Variants in THSD7B observed in about 807,000 individuals in gnomAD.
The protein encoded by THSD7B is thrombospondin type 1 domain containing 7B, also known as thrombospondin type-1 domain-containing protein 7B.
In THSD7B, 138 loss-of-function variants were observed where a neutral mutation model predicts 213.6. The observed-to-expected ratio is 0.65, with a 90% confidence interval of 0.56 to 0.74. THSD7B has a LOEUF of 0.74. THSD7B is among the 30% of genes least tolerant of loss of function. The probability of loss-of-function intolerance (pLI) is 0.00; values close to 1 mark genes in which losing one functional copy is unlikely to be tolerated. For synonymous variants in THSD7B, 742 were observed against 687.0 expected (o/e 1.08, Z -1.25); for missense variants, 1,931 against 1,991.5 (o/e 0.97, Z 0.58).
chr2:137,272,226 G>T (rs1682760835), intron 10 of THSD7B, among the ~76,000 whole-genome samples: 1 of 152,032 alleles, frequency 6.6e-6, no homozygotes, highest in Admixed American at 6.6e-5. Context: ...ATCAAAGAAG[G>T]TTTCTGGGGC....
At chr2:137,133,882 A>G (rs570247254) in intron 5 of THSD7B, among the ~76,000 whole-genome samples, 3 of 152,170 alleles carry the variant, frequency 2.0e-5, no homozygotes, top group Admixed American at 2.0e-4. Flanking sequence ...AGTGCATCTC[A>G]TATTGGATCA....
intron 7 of THSD7B, among the ~76,000 whole-genome samples, chr2:137,230,678 G>A (rs1221910408): frequency 6.6e-6 from 1 of 152,134 alleles, no homozygotes; most frequent in Non-Finnish European, 1.5e-5. Context: ...GATTAGAAGG[G>A]TCAACATAAA....
intron 2 of THSD7B, among the ~76,000 whole-genome samples, chr2:136,934,236 T>C (rs921466577): frequency 6.6e-6 from 1 of 152,216 alleles, no homozygotes; most frequent in Non-Finnish European, 1.5e-5. Context: ...TAATCAATAA[T>C]TGTTTTCTAG....
intron 21 of THSD7B, among the ~76,000 whole-genome samples, chr2:137,652,809 A>G (rs144007797): frequency 0.026 from 3,972 of 152,262 alleles, 84 homozygotes; most frequent in Non-Finnish European, 0.036. Flanking sequence ...TAGATTGCAA[A>G]GAAAATAATA....
rs576295675 is a variant in THSD7B at position 136,826,788 on chromosome 2, C to G, written c.-35-55356C>G. On this transcript the variant is annotated intron_variant, in intron 1 of 27. Transcript: ENST00000409968. ...TTCCTTGTCGTCCCCAAATCACACT[C>G]TGCTACTCTTCCCAACACTAGAAGA... Among the ~76,000 whole-genome samples, 5 of 152,330 alleles carry G rather than the reference C, an allele frequency of 3.3e-5. No individual in the cohort carries two copies. In the South Asian group the frequency reaches 1.0e-3, roughly 32 times the overall value.
At chr2:137,572,319 G>C (rs142791055) in intron 16 of THSD7B, 87 bp from the exon 17 acceptor site, 1 of 1,445,720 alleles carries the variant, frequency 6.9e-7, no homozygotes, top group African/African-American at 1.4e-5. Flanking sequence ...TTTAACTATC[G>C]TCAGTTACTA....
intron 3 of THSD7B, among the ~76,000 whole-genome samples, chr2:137,089,149 A>G (rs1419671079): frequency 2.2e-4 from 34 of 151,958 alleles, no homozygotes; most frequent in Admixed American, 2.2e-3. Context: ...TACGAAAAAT[A>G]TAGTTGCACA....
Position 137,160,387 on chromosome 2 carries a change from T to C in THSD7B, c.1525+19T>C, listed in dbSNP as rs1247166455. ...AAAAAAGGTGAGTGCCTTGTTTGCA[T>C]GCGCTTCATTTGCTGTCAGCGTACA... On this transcript the variant is annotated intron_variant, in intron 6 of 27. Transcript: ENST00000409968. 3 of 1,610,014 alleles carry C rather than the reference T, an allele frequency of 1.9e-6. No homozygotes were observed. Among genetic ancestry groups the C allele is most frequent in the South Asian group, 2.2e-5 (2 of 90,228 alleles).
At chr2:137,127,847 G>T (rs1418555767) in intron 5 of THSD7B, among the ~76,000 whole-genome samples, 1 of 152,082 alleles carries the variant, frequency 6.6e-6, no homozygotes, top group Non-Finnish European at 1.5e-5. Flanking sequence ...GAACCCGGGA[G>T]GCGGAGGTTG....
At chr2:137,397,482 G>A (rs1325061777) in intron 12 of THSD7B, among the ~76,000 whole-genome samples, 2 of 151,932 alleles carry the variant, frequency 1.3e-5, no homozygotes, top group East Asian at 2.0e-4. Context: ...TAAGAATGTT[G>A]AATATTGGCC....
rs1194344824 is a variant in THSD7B, at chr2:137,656,782, G to A, written c.4106-14G>A. Reference sequence around the variant, plus strand: ...CATGCTGTTTTCTCCACCCTGTACTGCATGACTGTCCAGGAGACTGCCATT... The same window carrying A: ...CATGCTGTTTTCTCCACCCTGTACTACATGACTGTCCAGGAGACTGCCATT... On this transcript the variant is annotated splice_polypyrimidine_tract_variant and intron_variant, in intron 22 of 27. Coordinates refer to ENST00000409968, the MANE Select transcript of THSD7B (RefSeq NM_001316349.2). The A allele has an allele frequency of 1.2e-6, 2 of 1,611,870 alleles. No homozygotes were observed. The highest frequency in any genetic ancestry group is 1.1e-5 in the South Asian group (1 of 90,874).
chr2:137,077,799 T>G (rs554640105), intron 3 of THSD7B, among the ~76,000 whole-genome samples: 65 of 151,238 alleles, frequency 4.3e-4, no homozygotes, highest in Non-Finnish European at 6.9e-4. Context: ...GATGGTAGTT[T>G]CTTTTGCTGT....
chr2:137,396,726 T>G (rs1271995445), intron 12 of THSD7B, among the ~76,000 whole-genome samples: 2 of 146,048 alleles, frequency 1.4e-5, no homozygotes, highest in African/African-American at 2.5e-5. Context: ...CCTTGTTGAC[T>G]TTCTGTCTCG....
At chr2:137,450,210 C>T (rs927047503) in intron 14 of THSD7B, among the ~76,000 whole-genome samples, 2 of 152,056 alleles carry the variant, frequency 1.3e-5, no homozygotes, top group African/African-American at 4.8e-5. Context: ...AGAGAAAGAC[C>T]GTTGCAAGAA....
chr2:137,492,521 T>C (rs1361626231), intron 15 of THSD7B, among the ~76,000 whole-genome samples: 1 of 152,160 alleles, frequency 6.6e-6, no homozygotes, highest in African/African-American at 2.4e-5. Flanking sequence ...CCCTCAATAC[T>C]TTTCCTTGCC....
At chr2:137,542,006 A>C (rs542940418) in intron 15 of THSD7B, among the ~76,000 whole-genome samples, 1 of 151,764 alleles carries the variant, frequency 6.6e-6, no homozygotes, top group South Asian at 2.1e-4. Flanking sequence ...AGTCCCGGAA[A>C]AAAAGAGGAG....
Position 137,040,026 on chromosome 2 carries a change from A to G in THSD7B, c.140-16394A>G, listed in dbSNP as rs1040813006. On this transcript the variant is annotated intron_variant, in intron 2 of 27. Transcript: ENST00000409968. ...CACTGCCTGCTCAGGCCAGGCTTTCAGATCACTGACAAATGTTCACTTCTG... is the reference window on the plus strand; with the variant it reads ...CACTGCCTGCTCAGGCCAGGCTTTCGGATCACTGACAAATGTTCACTTCTG... 2.0e-5 allele frequency among the ~76,000 whole-genome samples: 3 copies of G among 152,202 alleles called. No homozygotes were observed. The East Asian group carries it at 5.8e-4, about 29-fold the overall frequency.
At chr2:137,448,056 G>A (rs954250996) in intron 14 of THSD7B, among the ~76,000 whole-genome samples, 3 of 152,192 alleles carry the variant, frequency 2.0e-5, no homozygotes, top group Non-Finnish European at 2.9e-5. Context: ...GGTCTTAGAA[G>A]TTTGAAAATA....
intron 7 of THSD7B, among the ~76,000 whole-genome samples, chr2:137,218,803 T>C (rs1681304207): frequency 6.6e-6 from 1 of 152,122 alleles, no homozygotes; most frequent in African/African-American, 2.4e-5. Flanking sequence ...AATATTCATG[T>C]GAAGATCTTA....
Sources: allele counts gnomAD v4.1 joint callset (sites outside exome capture counted in the v4.1 genomes callset), GRCh38; gene constraint gnomAD v4.1.1; transcripts MANE v1.5; gene names NCBI Gene and HGNC (gene_info 2026-07-23, HGNC 2026-07-21).